Variants in VAC14 observed in about 807,000 individuals in gnomAD.
VAC14 encodes VAC14 component of PIKFYVE complex.
Under a neutral mutation model 85.3 loss-of-function variants are expected in VAC14, and 47 were observed. The ratio of observed to expected loss-of-function variants is 0.55; its 90% confidence interval spans 0.44 to 0.70. VAC14 has a LOEUF of 0.70. VAC14 is among the 30% of genes least tolerant of loss of function. VAC14 has a pLI of 0.00. For synonymous variants in VAC14, 447 were observed against 430.5 expected (o/e 1.04, Z -0.47); for missense variants, 861 against 1,004.3 (o/e 0.86, Z 1.93).
chr16:70,705,421 C>T (rs1476183208), intron 14 of VAC14, among the ~76,000 whole-genome samples: 1 of 152,272 alleles, frequency 6.6e-6, no homozygotes, highest in Non-Finnish European at 1.5e-5. Context: ...GGTGGGCCAA[C>T]CTGGCGCTCA....
At chr16:70,779,981 T>A (rs1008925693) in intron 9 of VAC14, among the ~76,000 whole-genome samples, 2 of 151,932 alleles carry the variant, frequency 1.3e-5, no homozygotes, top group African/African-American at 2.4e-5. Flanking sequence ...GAGCTGGGAC[T>A]ATAGGTGTGC....
In VAC14 at chr16:70,744,519, C is replaced by T. The variant is rs1225463427; in HGVS notation, c.1432G>A (p.Asp478Asn). 5 of 1,612,920 alleles carry T rather than the reference C, an allele frequency of 3.1e-6. No individual in the cohort carries two copies. Among genetic ancestry groups the T allele is most frequent in the Non-Finnish European group, 4.2e-6 (5 of 1,179,660 alleles). The change falls in exon 13 of 19, where the codon GAT (aspartate) becomes AAT (asparagine). Residue 478 changes from aspartate to asparagine, a missense_variant. Coordinates refer to ENST00000261776, the MANE Select transcript of VAC14 (RefSeq NM_018052.5). Reference protein sequence around the residue: ...EIASSPAGQTDDPGPLDGPDL... With the variant: ...EIASSPAGQTNDPGPLDGPDL... ...GGGCCATCGAGGGGGCCTGGGTCAT[C>T]CGTCTGGCCTGCGGGGGAGGAAGCG...
intron 1 of VAC14, among the ~76,000 whole-genome samples, chr16:70,789,821 G>T (rs111282337): frequency 1.3e-5 from 2 of 152,168 alleles, no homozygotes; most frequent in African/African-American, 4.8e-5. Context: ...CCCCACGCCT[G>T]CCCAGGAAGC....
At chr16:70,721,311 T>C (rs537006615) in intron 14 of VAC14, among the ~76,000 whole-genome samples, 62 of 151,318 alleles carry the variant, frequency 4.1e-4, no homozygotes, top group Admixed American at 2.0e-3. Context: ...TGGGCAGGGA[T>C]GAGAGCCCTG....
intron 14 of VAC14, among the ~76,000 whole-genome samples, chr16:70,707,288 C>T (rs555238884): frequency 2.6e-5 from 4 of 152,378 alleles, no homozygotes; most frequent in African/African-American, 9.6e-5. Flanking sequence ...CTTAAAAATT[C>T]ATCGTTGTTT....
At chr16:70,714,567 G>A (rs1399685961) in intron 14 of VAC14, 1 of 152,228 alleles carries the variant, frequency 6.6e-6, no homozygotes, top group Non-Finnish European at 1.5e-5. Flanking sequence ...GGAAAAAGCT[G>A]ACTCTTCTCA....
chr16:70,776,976 T>G (rs1459636379), intron 9 of VAC14, among the ~76,000 whole-genome samples: 3 of 151,968 alleles, frequency 2.0e-5, no homozygotes, highest in Non-Finnish European at 4.4e-5. Flanking sequence ...ACTGGCTAAT[T>G]TTTTGTATTT....
chr16:70,738,299 C>T (rs1047827675), intron 13 of VAC14, among the ~76,000 whole-genome samples: 43 of 152,134 alleles, frequency 2.8e-4, no homozygotes, highest in Admixed American at 2.0e-3. Flanking sequence ...GGCACCAACT[C>T]GGGAACCCAC....
At chr16:70,741,515 C>T (rs1187010485) in intron 13 of VAC14, among the ~76,000 whole-genome samples, 1 of 152,220 alleles carries the variant, frequency 6.6e-6, no homozygotes, top group Non-Finnish European at 1.5e-5. Context: ...CGCGCATGTG[C>T]ACACACATGG....
chr16:70,763,086 GTCA>G (rs2032536003), intron 10 of VAC14, 61 bp from the exon 11 acceptor site: 1 of 1,607,240 alleles, frequency 6.2e-7, no homozygotes, highest in South Asian at 1.1e-5. Flanking sequence ...CTCCCATGGA[GTCA>G]TGGCACCACC....
At chr16:70,757,489 C>A (rs550186738) in intron 12 of VAC14, among the ~76,000 whole-genome samples, 1 of 152,180 alleles carries the variant, frequency 6.6e-6, no homozygotes, top group African/African-American at 2.4e-5. Flanking sequence ...GAAGGGAAGA[C>A]GGGAGGGGAG....
At chr16:70,786,806 C>A (rs549237175) in intron 1 of VAC14, among the ~76,000 whole-genome samples, 1 of 152,190 alleles carries the variant, frequency 6.6e-6, no homozygotes, top group African/African-American at 2.4e-5. Context: ...GTAAGAGCCA[C>A]ATGCCAACAA....
chr16:70,762,808 A>G lies in VAC14; in HGVS notation c.1305+73T>C. 6.2e-7 allele frequency: 1 copy of G among 1,604,346 alleles called. No individual in the cohort carries two copies. The highest frequency in any genetic ancestry group is 8.5e-7 in the Non-Finnish European group (1 of 1,174,194). ...GAAGGGCAATGACCAAAATGCTACC[A>G]ACTATGGGCAGGCCCTGGAAAACCA... On this transcript the variant is annotated intron_variant, in intron 11 of 18. Transcript: ENST00000261776. This position sits in a 1 kb window ranked among gnomAD's most constrained non-coding sequence, Gnocchi z 4.1.
intron 16 of VAC14, among the ~76,000 whole-genome samples, chr16:70,696,416 G>A (rs759601507): frequency 6.6e-6 from 1 of 152,210 alleles, no homozygotes; most frequent in African/African-American, 2.4e-5. Context: ...GGGAGGCTGA[G>A]GCAGGAGAAT....
intron 14 of VAC14, among the ~76,000 whole-genome samples, chr16:70,728,829 CTCA>C (rs1380009228): frequency 2.6e-4 from 39 of 152,358 alleles, no homozygotes; most frequent in Admixed American, 2.5e-3. Context: ...GCAAGGAGAG[CTCA>C]TCATGAGTAC....
intron 8 of VAC14, among the ~76,000 whole-genome samples, chr16:70,781,346 C>T (rs889537605): frequency 3.3e-5 from 5 of 152,150 alleles, no homozygotes; most frequent in Non-Finnish European, 5.9e-5. Context: ...ATTACCCAGC[C>T]TCAGGTATTC....
chr16:70,772,042 C>T, intron 10 of VAC14, 67 bp downstream of exon 10: 1 of 1,485,626 alleles, frequency 6.7e-7, no homozygotes, highest in Non-Finnish European at 9.4e-7. Context: ...GCTGTAGTCT[C>T]CCGCATCCAG....
At chr16:70,768,013 C>G (rs1247499223) in intron 10 of VAC14, among the ~76,000 whole-genome samples, 2 of 152,102 alleles carry the variant, frequency 1.3e-5, no homozygotes, top group Non-Finnish European at 2.9e-5. Flanking sequence ...GCCTCCTAAG[C>G]AGTGGGAACT....
At chr16:70,712,749 T>A in intron 14 of VAC14, among the ~76,000 whole-genome samples, 1 of 152,240 alleles carries the variant, frequency 6.6e-6, no homozygotes, top group Non-Finnish European at 1.5e-5. Flanking sequence ...TCTTTCCCAT[T>A]TACTGCTATA....
Sources: allele counts gnomAD v4.1 joint callset (sites outside exome capture counted in the v4.1 genomes callset), GRCh38; gene constraint gnomAD v4.1.1; non-coding constraint Gnocchi (gnomAD v3.1); transcripts MANE v1.5; gene names NCBI Gene and HGNC (gene_info 2026-07-23, HGNC 2026-07-21).